TMEM117: variants seen among roughly 807,000 people sequenced by gnomAD.
TMEM117 encodes the protein transmembrane protein 117.
TMEM117 carries 27 observed loss-of-function variants against 52.4 expected under a neutral mutation model. The ratio of observed to expected loss-of-function variants is 0.51; its 90% confidence interval spans 0.38 to 0.71. The LOEUF is 0.71. Among genes scored for constraint, TMEM117 ranks in the 30% least tolerant of loss-of-function variants. TMEM117 has a pLI of 0.00. For synonymous variants in TMEM117, 215 were observed against 206.3 expected, an observed-to-expected ratio of 1.04 and a Z score of -0.36; for missense variants, 556 against 630.5, an observed-to-expected ratio of 0.88 and a Z score of 1.26.
At chr12:43,824,998 C>A in the TMEM117 span, among the ~76,000 whole-genome samples, 7 of 152,208 alleles carry the variant, frequency 4.6e-5, no homozygotes, top group Non-Finnish European at 4.4e-5. Flanking sequence ...CCCCAAATGC[C>A]TTCAGAGGCC....
intron 4 of TMEM117, among the ~76,000 whole-genome samples, chr12:44,177,172 A>G (rs1949127317): frequency 1.3e-5 from 2 of 152,142 alleles, no homozygotes; most frequent in South Asian, 4.1e-4. Flanking sequence ...CAGGAAAGAA[A>G]CATTGCTTTA....
chr12:44,018,462 G>A (rs917897901), intron 3 of TMEM117, among the ~76,000 whole-genome samples: 1 of 152,092 alleles, frequency 6.6e-6, no homozygotes, highest in African/African-American at 2.4e-5. Context: ...AAACACATTT[G>A]AAGTAATTTT....
intron 6 of TMEM117, among the ~76,000 whole-genome samples, chr12:44,350,426 G>A (rs895373223): frequency 4.0e-5 from 6 of 151,816 alleles, no homozygotes; most frequent in Non-Finnish European, 7.4e-5. Flanking sequence ...TATTTCAAAA[G>A]GTACAATTAA....
intron 3 of TMEM117, among the ~76,000 whole-genome samples, chr12:43,952,523 A>C (rs1451968970): frequency 6.6e-6 from 1 of 151,998 alleles, no homozygotes; most frequent in Non-Finnish European, 1.5e-5. Flanking sequence ...GAACTGACCA[A>C]GCAGAAGAGA....
chr12:44,087,923 G>C (rs2138033931), intron 3 of TMEM117, among the ~76,000 whole-genome samples: 1 of 152,168 alleles, frequency 6.6e-6, no homozygotes, highest in East Asian at 1.9e-4. Flanking sequence ...TAAAATAGTG[G>C]TTCTCAAACT....
At chr12:43,817,289 T>G in the TMEM117 span, among the ~76,000 whole-genome samples, 3 of 152,232 alleles carry the variant, frequency 2.0e-5, no homozygotes, top group African/African-American at 7.2e-5. Flanking sequence ...AATATATTTC[T>G]GCTATAAGAG....
intron 2 of TMEM117, among the ~76,000 whole-genome samples, chr12:43,864,357 G>T (rs540414755): frequency 5.2e-4 from 79 of 152,368 alleles, no homozygotes; most frequent in African/African-American, 1.9e-3. Flanking sequence ...AAGCCAGCTG[G>T]GCTTCTGAGT....
the TMEM117 span, among the ~76,000 whole-genome samples, chr12:43,820,408 G>A: frequency 6.6e-6 from 1 of 152,106 alleles, no homozygotes; most frequent in African/African-American, 2.4e-5. Flanking sequence ...CGAGTAGCTG[G>A]GACTACAGAC....
intron 6 of TMEM117, among the ~76,000 whole-genome samples, chr12:44,367,665 C>G (rs1951807289): frequency 6.6e-6 from 1 of 152,042 alleles, no homozygotes; most frequent in Non-Finnish European, 1.5e-5. Context: ...TGTGCTCTCC[C>G]CAAAGATTCC....
chr12:44,138,103 G>A (rs1948518244), intron 3 of TMEM117, among the ~76,000 whole-genome samples: 1 of 152,098 alleles, frequency 6.6e-6, no homozygotes, highest in Non-Finnish European at 1.5e-5. Flanking sequence ...CCAAGTCATG[G>A]GGGTATGGGG....
chr12:44,221,071 C>A (rs1054273411), intron 5 of TMEM117, among the ~76,000 whole-genome samples: 2 of 151,988 alleles, frequency 1.3e-5, no homozygotes, highest in Non-Finnish European at 2.9e-5. Flanking sequence ...TGGAAAGTGG[C>A]GGAAAGTAGC....
chr12:43,831,026 A>G (rs756075914), upstream of TMEM117, among the ~76,000 whole-genome samples: 1 of 152,214 alleles, frequency 6.6e-6, no homozygotes, highest in African/African-American at 2.4e-5. Flanking sequence ...GGCTTAAAAT[A>G]TATCAGCATG....
intron 4 of TMEM117, among the ~76,000 whole-genome samples, chr12:44,193,385 T>G (rs1333914378): frequency 1.3e-5 from 2 of 152,150 alleles, no homozygotes; most frequent in Non-Finnish European, 2.9e-5. Flanking sequence ...GTAAAGGATA[T>G]CTTTAGAGAC....
In TMEM117 at chr12:43,912,363, G is replaced by C. The variant is rs56291225; in HGVS notation, c.278-31847G>C. Among the ~76,000 whole-genome samples, 617 of 151,034 alleles carry C rather than the reference G, an allele frequency of 4.1e-3. 5 individuals carry two copies. The highest frequency in any genetic ancestry group is 0.015 in the African/African-American group (600 of 41,094). On this transcript the variant is annotated intron_variant, in intron 2 of 7. Coordinates refer to ENST00000266534, the MANE Select transcript of TMEM117 (RefSeq NM_032256.3). ...GGACTGTTGTGGGGTGGGGGAAGGG[G>C]ACAGGGATAGCATTGGGAGATATAC... is the stretch of plus-strand genomic sequence containing the variant.
Position 44,189,025 on chromosome 12 carries a change from A to T in TMEM117, c.511-22265A>T, listed in dbSNP as rs181055138. 3.3e-5 allele frequency among the ~76,000 whole-genome samples: 5 copies of T among 152,254 alleles called. No individual in the cohort carries two copies. In the East Asian group the frequency reaches 9.6e-4, roughly 29 times the overall value. On this transcript the variant is annotated intron_variant, in intron 4 of 7. Coordinates refer to ENST00000266534, the MANE Select transcript of TMEM117 (RefSeq NM_032256.3). ...TAAAGATCAAATCAGGGTAATTGGG[A>T]TATATACCACCTTAAATATTTATCT...
intron 6 of TMEM117, among the ~76,000 whole-genome samples, chr12:44,349,806 A>G (rs921133861): frequency 6.6e-6 from 1 of 152,046 alleles, no homozygotes; most frequent in East Asian, 1.9e-4. Flanking sequence ...GCTATGTTCC[A>G]AACACTGTAC....
intron 3 of TMEM117, among the ~76,000 whole-genome samples, chr12:44,060,208 T>A (rs772798512): frequency 2.6e-5 from 4 of 152,210 alleles, no homozygotes; most frequent in Non-Finnish European, 5.9e-5. Context: ...TTTCTTCTTG[T>A]CTTCTGGCAT....
At chr12:44,005,382 A>G (rs1478037676) in intron 3 of TMEM117, among the ~76,000 whole-genome samples, 2 of 152,254 alleles carry the variant, frequency 1.3e-5, no homozygotes, top group Non-Finnish European at 2.9e-5. Flanking sequence ...ACATAAATCC[A>G]TACCTTCCAA....
At chr12:44,360,301 C>T (rs927498889) in intron 6 of TMEM117, among the ~76,000 whole-genome samples, 6 of 151,964 alleles carry the variant, frequency 3.9e-5, no homozygotes, top group African/African-American at 9.7e-5. Context: ...AAGATTAGGT[C>T]GGGCGCAGTG....
Sources: gnomAD v4.1 joint callset for allele counts (sites outside exome capture counted in the v4.1 genomes callset) on GRCh38, gnomAD v4.1.1 for gene constraint, MANE v1.5 for transcripts, NCBI Gene and HGNC (gene_info 2026-07-23, HGNC 2026-07-21) for gene names.